ZFHX4: variants seen among roughly 807,000 people sequenced by gnomAD.
The protein encoded by ZFHX4 is zinc finger homeobox protein 4.
In ZFHX4, 56 loss-of-function variants were observed where a neutral mutation model predicts 267.6. That is an observed-to-expected ratio of 0.21 (90% confidence interval 0.17 to 0.26). The LOEUF (loss-of-function observed/expected upper bound fraction) is 0.26, where lower values mean the gene tolerates loss of function less well. Ranked by LOEUF, ZFHX4 falls within the 10% of genes least tolerant of loss-of-function variation. The pLI, the probability that ZFHX4 is intolerant of heterozygous loss-of-function variation, is 1.00. For synonymous variants in ZFHX4, 1,778 were observed against 1,665.6 expected, an observed-to-expected ratio of 1.07 and a Z score of -1.64; for missense variants, 4,332 against 4,420.0, an observed-to-expected ratio of 0.98 and a Z score of 0.56.
rs1011510279 is a variant in ZFHX4, at chr8:76,740,167, G to T, written c.3093+32119G>T. Among the ~76,000 whole-genome samples, 6 of 152,074 alleles carry T rather than the reference G, an allele frequency of 3.9e-5. No individual in the cohort carries two copies. The East Asian group carries it at 1.2e-3, about 29-fold the overall frequency. On this transcript the variant is annotated intron_variant, in intron 3 of 10. Transcript: ENST00000651372. ...TTTTAGTTTTGGTCAGGAGAGTCTT[G>T]TGTAAGGTTCATCTAGAAAAATTCT...
intron 3 of ZFHX4, chr8:76,733,365 C>A (rs1809072576): frequency 6.6e-6 from 1 of 152,234 alleles, no homozygotes; most frequent in African/African-American, 2.4e-5. Flanking sequence ...AGACCTGATC[C>A]CCCACGTCTG....
intron 4 of ZFHX4, among the ~76,000 whole-genome samples, chr8:76,814,962 A>G (rs1396666856): frequency 6.6e-6 from 1 of 152,176 alleles, no homozygotes; most frequent in Non-Finnish European, 1.5e-5. Flanking sequence ...ATAGCCTGTA[A>G]TGGAGAAAGA....
chr8:76,721,008 G>A (rs1345290456), intron 3 of ZFHX4, among the ~76,000 whole-genome samples: 2 of 152,128 alleles, frequency 1.3e-5, no homozygotes, highest in Non-Finnish European at 2.9e-5. Flanking sequence ...CCTGGAGAGG[G>A]GATACCTGGA....
intron 3 of ZFHX4, among the ~76,000 whole-genome samples, chr8:76,746,344 G>T (rs770769785): frequency 6.6e-6 from 1 of 152,170 alleles, no homozygotes; most frequent in Non-Finnish European, 1.5e-5. Flanking sequence ...GTTTGAGGCT[G>T]CAGTGAGCTA....
chr8:76,797,524 T>C (rs1009303161), intron 4 of ZFHX4, among the ~76,000 whole-genome samples: 2 of 152,182 alleles, frequency 1.3e-5, no homozygotes, highest in African/African-American at 4.8e-5. Context: ...TGTTTGTTAT[T>C]GTGTTTGAGT....
At chr8:76,712,922 A>G (rs1301049171) in intron 3 of ZFHX4, among the ~76,000 whole-genome samples, 3 of 152,194 alleles carry the variant, frequency 2.0e-5, no homozygotes, top group Non-Finnish European at 4.4e-5. Context: ...CAGAGATTGA[A>G]AAAAAACAGT....
chr8:76,824,654 C>G (rs1261459220), intron 4 of ZFHX4, among the ~76,000 whole-genome samples: 1 of 152,126 alleles, frequency 6.6e-6, no homozygotes, highest in Non-Finnish European at 1.5e-5. Flanking sequence ...CTCACTGCAA[C>G]CTCAAACTCC....
chr8:76,853,475 G>C lies in ZFHX4; in HGVS notation c.6554G>C (p.Arg2185Pro). 6.2e-7 allele frequency: 1 copy of C among 1,613,776 alleles called. No homozygotes were observed. Among genetic ancestry groups the C allele is most frequent in the Non-Finnish European group, 8.5e-7 (1 of 1,179,848 alleles). ...HWFRNTLFKE[R>P]QRNKDSPYNF... ...TTTAGAAATACGCTTTTTAAGGAAC[G>C]ACAGAGAAATAAAGATTCACCATAC... The change falls in exon 10 of 11, where the codon CGA becomes CCA. Residue 2185 changes from arginine (R) to proline (P), a missense_variant. Transcript: ENST00000651372.
At chr8:76,843,214 A>C (rs1812282808) in intron 6 of ZFHX4, among the ~76,000 whole-genome samples, 1 of 152,172 alleles carries the variant, frequency 6.6e-6, no homozygotes, top group Admixed American at 6.5e-5. Context: ...CGTAACCCTA[A>C]AAATAAATGC....
chr8:76,842,687 A>C lies in ZFHX4; in HGVS notation c.3427A>C (p.Lys1143Gln), dbSNP rs1259486385. The part of the protein sequence containing the change: ...EQSEEAEGAI[K>Q]PTAVAEDDEK... ...AAGTGAGGAGGCAGAAGGAGCTATT[A>C]AGCCTACAGCAGTGGCCGAGGACGA... Residue 1143 changes from lysine to glutamine, a missense_variant, in exon 6 of 11, where the codon AAG becomes CAG. Around this residue, in one of 7 missense-constraint regions of ZFHX4, gnomAD observed 1,371 missense variants for 1,423.1 expected, o/e 0.96. Transcript: ENST00000651372. The C allele has an allele frequency of 8.4e-6, 13 of 1,553,706 alleles. No individual in the cohort carries two copies. Among genetic ancestry groups the C allele is most frequent in the Non-Finnish European group, 1.1e-5 (13 of 1,148,162 alleles).
chr8:76,823,237 C>A (rs1230648088), intron 4 of ZFHX4, among the ~76,000 whole-genome samples: 2 of 151,802 alleles, frequency 1.3e-5, no homozygotes, highest in African/African-American at 4.8e-5. Context: ...TAAAACCCCC[C>A]ATGCTGCCAA....
chr8:76,702,964 A>ACACACACG (rs1491169214), intron 1 of ZFHX4, among the ~76,000 whole-genome samples: 1 of 89,890 alleles, frequency 1.1e-5, no homozygotes, highest in African/African-American at 6.4e-5. Context: ...CTCAGGCAAG[A>ACACACACG]CACACACACA....
rs1812710405 is a variant in ZFHX4 at position 76,855,937 on chromosome 8, A to G, written c.9016A>G (p.Lys3006Glu). ...CAATCAAGGCGGAACGGAAGGCACC[A>G]AACCAGAGTGTACCCTCTGCGGGGT... ...MINQGGTEGT[K>E]PECTLCGVKY... Residue 3006 changes from lysine to glutamate, a missense_variant, in exon 10 of 11, where the codon AAA becomes GAA. Physicochemically the swap from Lys to Glu is moderately conservative, Grantham distance 56. This residue lies in a region of ZFHX4 where 1,648 missense variants were observed against 1,625.0 expected (regional missense o/e 1.01). Coordinates refer to ENST00000651372, the MANE Select transcript of ZFHX4 (RefSeq NM_024721.5). 1 of 1,613,822 alleles carries G rather than the reference A, an allele frequency of 6.2e-7. No individual in the cohort carries two copies. Among genetic ancestry groups the G allele is most frequent in the African/African-American group, 1.3e-5 (1 of 74,918 alleles).
chr8:76,823,331 T>C (rs182699028), intron 4 of ZFHX4, among the ~76,000 whole-genome samples: 73 of 152,338 alleles, frequency 4.8e-4, no homozygotes, highest in Admixed American at 3.3e-4. Flanking sequence ...TTTTTTCTGC[T>C]GCTCACACAG....
intron 1 of ZFHX4, among the ~76,000 whole-genome samples, chr8:76,689,698 GT>G (rs1202621948): frequency 6.6e-6 from 1 of 152,028 alleles, no homozygotes; most frequent in Non-Finnish European, 1.5e-5. Flanking sequence ...GTTTGATATG[GT>G]TTCATATTTG....
intron 4 of ZFHX4, among the ~76,000 whole-genome samples, chr8:76,821,034 A>G (rs1585979102): frequency 6.6e-6 from 1 of 152,058 alleles, no homozygotes; most frequent in Admixed American, 6.6e-5. Flanking sequence ...AATTATTGTC[A>G]TAATCCTGCT....
At chr8:76,719,235 T>A (rs1808657517) in intron 3 of ZFHX4, among the ~76,000 whole-genome samples, 1 of 151,188 alleles carries the variant, frequency 6.6e-6, no homozygotes, top group South Asian at 2.1e-4. Flanking sequence ...TATATAAAAA[T>A]GTATTAAAAT....
At chr8:76,820,453 C>T (rs908671497) in intron 4 of ZFHX4, among the ~76,000 whole-genome samples, 2 of 152,150 alleles carry the variant, frequency 1.3e-5, no homozygotes, top group African/African-American at 4.8e-5. Context: ...GGCAGTGTGA[C>T]TTCAGCCTAT....
intron 4 of ZFHX4, chr8:76,782,126 C>CTTTTTTTTTTTT: frequency 8.6e-6 from 1 of 115,842 alleles, no homozygotes; most frequent in South Asian, 6.3e-5. Flanking sequence ...TTTTTTTTTG[C>CTTTTTTTTTTTT]CTATTGTTTC....
Sources: allele counts gnomAD v4.1 joint callset (sites outside exome capture counted in the v4.1 genomes callset), GRCh38; gene constraint gnomAD v4.1.1; regional missense constraint gnomAD v4.1.1; transcripts MANE v1.5; gene names NCBI Gene and HGNC (gene_info 2026-07-23, HGNC 2026-07-21).